Variants in EPB41 observed in about 807,000 individuals in gnomAD.
EPB41 encodes the protein erythrocyte membrane protein band 4.1, also known as protein 4.1.
A neutral mutation model predicts 108.0 loss-of-function variants in EPB41; 65 were observed. That is an observed-to-expected ratio of 0.60 (90% CI 0.49 to 0.74). EPB41 has a LOEUF of 0.74. Among genes scored for constraint, EPB41 ranks in the 30% least tolerant of loss-of-function variants. The probability of loss-of-function intolerance (pLI) is 0.00; values close to 1 mark genes in which losing one functional copy is unlikely to be tolerated. For synonymous variants in EPB41, 336 were observed against 358.9 expected (o/e 0.94, Z 0.72); for missense variants, 875 against 1,037.0 (o/e 0.84, Z 2.15).
intron 1 of EPB41, among the ~76,000 whole-genome samples, chr1:28,900,763 T>A (rs2091203819): frequency 6.6e-6 from 1 of 152,140 alleles, no homozygotes; most frequent in South Asian, 2.1e-4. Flanking sequence ...ACGAGAGGCA[T>A]GATCCCAGGC....
chr1:28,981,842 T>C (rs865820141), intron 1 of EPB41, among the ~76,000 whole-genome samples: 4 of 150,694 alleles, frequency 2.7e-5, no homozygotes, highest in African/African-American at 9.7e-5. Context: ...CCCATCATGG[T>C]TTTTTTTTCT....
chr1:29,104,606 C>T (rs748477276), intron 17 of EPB41, among the ~76,000 whole-genome samples: 7 of 151,198 alleles, frequency 4.6e-5, no homozygotes, highest in African/African-American at 9.7e-5. Context: ...TTTTTCGAGA[C>T]GGAGTCTCGC....
rs755156652 is a variant in EPB41, at chr1:29,060,454, T to C, written c.1977T>C (p.Ile659=). 1 of 1,613,566 alleles carries C rather than the reference T, an allele frequency of 6.2e-7. No homozygotes were observed. Among genetic ancestry groups the C allele is most frequent in the Non-Finnish European group, 8.5e-7 (1 of 1,179,486 alleles). The part of the protein sequence containing the change: ...KKRERLDGEN[I]YIRHSNLMLE... ...GAGAAAGACTAGATGGTGAAAACAT[T>C]TATATCAGACATAGCAATTTAATGT... Residue 659 remains isoleucine, a synonymous_variant, in exon 15 of 21, where the codon ATT becomes ATC. Coordinates refer to ENST00000343067, the MANE Select transcript of EPB41 (RefSeq NM_001376013.1).
chr1:29,026,601 G>A (rs559524641), intron 7 of EPB41, among the ~76,000 whole-genome samples: 2 of 152,100 alleles, frequency 1.3e-5, no homozygotes, highest in Non-Finnish European at 2.9e-5. Context: ...ATGAAAATTC[G>A]TGAGTCCATA....
intron 17 of EPB41, among the ~76,000 whole-genome samples, chr1:29,106,089 C>T (rs1434703769): frequency 6.6e-6 from 1 of 152,254 alleles, no homozygotes; most frequent in South Asian, 2.1e-4. Context: ...CTTGAGTAAA[C>T]ATCTAAGAGT....
At chr1:29,070,269 C>T in intron 16 of EPB41, 2 of 971,850 alleles carry the variant, frequency 2.1e-6, no homozygotes, top group Non-Finnish European at 2.7e-6. Flanking sequence ...ACTTCCAAAT[C>T]CTTTGCACAT....
At chr1:29,023,669 A>G (rs1377120574) in intron 7 of EPB41, among the ~76,000 whole-genome samples, 1 of 151,948 alleles carries the variant, frequency 6.6e-6, no homozygotes, top group African/African-American at 2.4e-5. Flanking sequence ...CCTGGGCAAC[A>G]AAAGCAAAAC....
chr1:28,941,469 GGAA>G (rs1557748975), intron 1 of EPB41, among the ~76,000 whole-genome samples: 1 of 152,136 alleles, frequency 6.6e-6, no homozygotes, highest in African/African-American at 2.4e-5. Context: ...AGTATCCTTC[GGAA>G]GAAGAAACGT....
intron 11 of EPB41, among the ~76,000 whole-genome samples, chr1:29,046,982 T>G (rs1643410770): frequency 6.6e-6 from 1 of 152,144 alleles, no homozygotes; most frequent in African/African-American, 2.4e-5. Flanking sequence ...TGGTCAGGTT[T>G]TAGTTTCGAG....
intron 7 of EPB41, among the ~76,000 whole-genome samples, chr1:29,028,254 T>G (rs72874975): frequency 7.9e-5 from 12 of 152,276 alleles, no homozygotes; most frequent in African/African-American, 2.9e-4. Context: ...GGAGTGAGTA[T>G]AGGGAAGATT....
chr1:29,021,449 A>G (rs768350020), intron 7 of EPB41, among the ~76,000 whole-genome samples: 1 of 152,134 alleles, frequency 6.6e-6, no homozygotes, highest in Non-Finnish European at 1.5e-5. Flanking sequence ...TCTTGAATAC[A>G]TTTCTATTTA....
chr1:29,018,396 A>G lies in EPB41; in HGVS notation c.1078A>G (p.Thr360Ala). 1.9e-6 allele frequency: 3 copies of G among 1,614,146 alleles called. 1 individual carries two copies. In the South Asian group the frequency reaches 3.3e-5, roughly 18 times the overall value. Residue 360 changes from threonine to alanine, a missense_variant, in exon 7 of 21, where the codon ACC becomes GCC. Transcript: ENST00000343067. This position sits in a 1 kb window ranked among gnomAD's most constrained non-coding sequence, Gnocchi z 4.4. ...TGATTTTAAACTGGCCCCGAATCAG[A>G]CCAAGGAACTTGAAGAGAAGGTCAT... ...VSDFKLAPNQTKELEEKVMEL... is the reference protein window; with the variant it reads ...VSDFKLAPNQAKELEEKVMEL...
rs142762034 is a variant in EPB41 at position 28,970,137 on chromosome 1, G to T, written c.-7-17294G>T. Reference sequence around the variant, plus strand: ...CAAACTGGTACTAAATCTTGTCTCTGTGCCAGTATTATATTTTCTGGTGGC... The same window carrying T: ...CAAACTGGTACTAAATCTTGTCTCTTTGCCAGTATTATATTTTCTGGTGGC... On this transcript the variant is annotated intron_variant, in intron 1 of 20. Coordinates refer to ENST00000343067, the MANE Select transcript of EPB41 (RefSeq NM_001376013.1). Among the ~76,000 whole-genome samples the T allele has an allele frequency of 3.0e-3, 449 of 152,196 alleles. 5 individuals are homozygous for T. The highest frequency in any genetic ancestry group is 9.7e-3 in the African/African-American group (403 of 41,522).
intron 1 of EPB41, among the ~76,000 whole-genome samples, chr1:28,970,208 G>GC (rs2095462947): frequency 6.6e-6 from 1 of 152,136 alleles, no homozygotes; most frequent in African/African-American, 2.4e-5. Context: ...GACAACTGCT[G>GC]CATCTATTCC....
At chr1:28,986,926 A>G (rs1056626349) in intron 1 of EPB41, among the ~76,000 whole-genome samples, 2 of 152,234 alleles carry the variant, frequency 1.3e-5, no homozygotes, top group African/African-American at 4.8e-5. Context: ...TTGCAATTTT[A>G]ATAGAGAAGT....
intron 17 of EPB41, among the ~76,000 whole-genome samples, chr1:29,101,704 A>G (rs1231627075): frequency 6.6e-6 from 1 of 151,828 alleles, no homozygotes; most frequent in African/African-American, 2.4e-5. Context: ...AAATAATGAG[A>G]GGTTGCGTAA....
intron 16 of EPB41, chr1:29,073,129 A>AAG (rs1247086115): frequency 2.6e-5 from 4 of 152,334 alleles, no homozygotes; most frequent in Non-Finnish European, 5.8e-5. Context: ...AAAAAAAAAA[A>AAG]AAAGTGTAAA....
chr1:29,113,507 A>T (rs756644684), intron 19 of EPB41, among the ~76,000 whole-genome samples: 13 of 152,202 alleles, frequency 8.5e-5, no homozygotes, highest in Non-Finnish European at 1.9e-4. Flanking sequence ...CCGCTGCTTT[A>T]GAAGCCTGCA....
At chr1:28,972,371 A>G (rs1425041031) in intron 1 of EPB41, among the ~76,000 whole-genome samples, 2 of 152,224 alleles carry the variant, frequency 1.3e-5, no homozygotes, top group East Asian at 1.9e-4. Flanking sequence ...GTACACTTTT[A>G]GACTATATCC....
Sources: gnomAD v4.1 joint callset for allele counts (sites outside exome capture counted in the v4.1 genomes callset) on GRCh38, gnomAD v4.1.1 for gene constraint, Gnocchi (gnomAD v3.1) non-coding constraint, MANE v1.5 for transcripts, NCBI Gene and HGNC (gene_info 2026-07-23, HGNC 2026-07-21) for gene names.